TENM3: variants seen among roughly 807,000 people sequenced by gnomAD.
TENM3 encodes teneurin-3.
Under a neutral mutation model 255.1 loss-of-function variants are expected in TENM3, and 63 were observed. That is an observed-to-expected ratio of 0.25 (90% CI 0.20 to 0.30). The LOEUF is 0.30. TENM3 is among the 10% of genes least tolerant of loss of function. The pLI, the probability that TENM3 is intolerant of heterozygous loss-of-function variation, is 1.00. For missense variants in TENM3, 2,929 were observed against 3,461.1 expected (o/e 0.85, Z 3.86); for synonymous variants, 1,306 against 1,322.3 (o/e 0.99, Z 0.27).
chr4:182,639,670 GA>G (rs1296599067), intron 5 of TENM3, among the ~76,000 whole-genome samples: 2 of 152,124 alleles, frequency 1.3e-5, no homozygotes, highest in Non-Finnish European at 2.9e-5. Flanking sequence ...AAATAACAAT[GA>G]AAGACAAAAT....
chr4:181,775,455 A>G, the TENM3 span, among the ~76,000 whole-genome samples: 4 of 152,062 alleles, frequency 2.6e-5, no homozygotes, highest in African/African-American at 9.7e-5. Context: ...ACAGTGCAAA[A>G]TCTCGTCTGG....
At chr4:181,808,597 T>C in the TENM3 span, among the ~76,000 whole-genome samples, 1 of 152,206 alleles carries the variant, frequency 6.6e-6, no homozygotes, top group Middle Eastern at 3.2e-3. Context: ...TACAGAAATT[T>C]ATTTTCTTAA....
At chr4:181,950,922 GTC>G in the TENM3 span, among the ~76,000 whole-genome samples, 1 of 152,070 alleles carries the variant, frequency 6.6e-6, no homozygotes, top group East Asian at 2.0e-4. Context: ...TGTGCCTATG[GTC>G]CCAGCTACTC....
intron 12 of TENM3, chr4:182,707,715 C>T (rs917047768): frequency 6.6e-6 from 1 of 152,152 alleles, no homozygotes; most frequent in African/African-American, 2.4e-5. Flanking sequence ...GCAAGTAGAC[C>T]AAGGACCCGC....
chr4:182,021,121 T>A, the TENM3 span, among the ~76,000 whole-genome samples: 1 of 152,176 alleles, frequency 6.6e-6, no homozygotes. Flanking sequence ...CATGTTTATA[T>A]GTACCCAATG....
At chr4:181,968,080 G>A in the TENM3 span, among the ~76,000 whole-genome samples, 1 of 152,118 alleles carries the variant, frequency 6.6e-6, no homozygotes. Context: ...GGAGGTCCTG[G>A]TATTCCGAGC....
intron 11 of TENM3, among the ~76,000 whole-genome samples, chr4:182,685,690 C>T (rs541468951): frequency 6.6e-6 from 1 of 152,052 alleles, no homozygotes; most frequent in African/African-American, 2.4e-5. Context: ...AGGCCTCCAT[C>T]AGTAAAACAG....
chr4:182,799,465 C>A lies in TENM3; in HGVS notation c.7345-131C>A. 1 of 1,218,416 alleles carries A rather than the reference C, an allele frequency of 8.2e-7. No homozygotes were observed. The highest frequency in any genetic ancestry group is 1.6e-5 in the South Asian group (1 of 62,430). 75.5% of individuals were successfully genotyped at this position (1,218,416 alleles called of 1,614,324 possible). On this transcript the variant is annotated intron_variant, in intron 27 of 27. Transcript: ENST00000511685. This position sits in a 1 kb window ranked among gnomAD's most constrained non-coding sequence, Gnocchi z 4.2. Reference sequence around the variant, plus strand: ...TGCTCCCTCCACCCGGGCTGTCAGCCTTCTGGTCAGGGAAGGACCCCGGGG... The same window carrying A: ...TGCTCCCTCCACCCGGGCTGTCAGCATTCTGGTCAGGGAAGGACCCCGGGG...
chr4:182,720,440 T>C (rs1759626215), intron 13 of TENM3, among the ~76,000 whole-genome samples: 1 of 152,146 alleles, frequency 6.6e-6, no homozygotes, highest in South Asian at 2.1e-4. Flanking sequence ...GAGTGGTGCT[T>C]ACAGTCTCAG....
the TENM3 span, among the ~76,000 whole-genome samples, chr4:181,459,257 T>G: frequency 6.6e-6 from 1 of 151,830 alleles, no homozygotes; most frequent in Non-Finnish European, 1.5e-5. Flanking sequence ...TAATATTTAT[T>G]ATGGAGTTCT....
chr4:182,526,071 G>A (rs574029854), intron 3 of TENM3, among the ~76,000 whole-genome samples: 184 of 152,126 alleles, frequency 1.2e-3, no homozygotes, highest in African/African-American at 4.3e-3. Context: ...GCTCTGCCTC[G>A]CAGGTTCACG....
chr4:182,647,211 A>T (rs1189339928), intron 5 of TENM3, among the ~76,000 whole-genome samples: 3 of 152,204 alleles, frequency 2.0e-5, no homozygotes, highest in African/African-American at 7.2e-5. Context: ...AAGTTATAAT[A>T]GTTTTTGTTT....
the TENM3 span, among the ~76,000 whole-genome samples, chr4:181,717,939 C>T: frequency 6.6e-6 from 1 of 152,166 alleles, no homozygotes; most frequent in Non-Finnish European, 1.5e-5. Context: ...GTTTAAAAAT[C>T]TTAAACAGTG....
At chr4:181,799,914 G>A in the TENM3 span, among the ~76,000 whole-genome samples, 3 of 152,170 alleles carry the variant, frequency 2.0e-5, no homozygotes, top group African/African-American at 7.2e-5. Context: ...GCCCTCGGGA[G>A]CTAGGCAGAT....
the TENM3 span, among the ~76,000 whole-genome samples, chr4:181,888,218 C>T: frequency 2.6e-5 from 4 of 151,424 alleles, no homozygotes; most frequent in Admixed American, 2.6e-4. Flanking sequence ...TTAGTAGAGC[C>T]AGGGGTTTCC....
intron 3 of TENM3, among the ~76,000 whole-genome samples, chr4:182,492,242 G>A (rs76278950): frequency 0.035 from 5,358 of 152,126 alleles, 166 homozygotes; most frequent in East Asian, 0.097. Flanking sequence ...TGTGCAAGTG[G>A]TTCAGTAATA....
the TENM3 span, among the ~76,000 whole-genome samples, chr4:181,994,716 A>G: frequency 6.6e-6 from 1 of 151,996 alleles, no homozygotes; most frequent in African/African-American, 2.4e-5. Context: ...CAAAAACTCA[A>G]TTGCATGATT....
chr4:182,175,587 G>A lies in TENM3; in HGVS notation c.-76+30833G>A, dbSNP rs78696591. On this transcript the variant is annotated intron_variant, in intron 1 of 2. Transcript: ENST00000512480. ...CTTTTTCCCCTGCCAAGGAGATACC[G>A]ACAGCACAGGACAGGTTTTGACTGT... Among the ~76,000 whole-genome samples, 559 of 152,194 alleles carry A rather than the reference G, an allele frequency of 3.7e-3. 5 individuals are homozygous for A. Among genetic ancestry groups the A allele is most frequent in the African/African-American group, 0.012 (506 of 41,540 alleles).
At chr4:182,231,598 G>C (rs1464931981) in intron 1 of TENM3, among the ~76,000 whole-genome samples, 1 of 152,154 alleles carries the variant, frequency 6.6e-6, no homozygotes, top group African/African-American at 2.4e-5. Context: ...CTGGCCAAAG[G>C]GTGATGCCCA....
Sources: allele counts gnomAD v4.1 joint callset (sites outside exome capture counted in the v4.1 genomes callset), GRCh38; gene constraint gnomAD v4.1.1; non-coding constraint Gnocchi (gnomAD v3.1); transcripts MANE v1.5; gene names NCBI Gene and HGNC (gene_info 2026-07-23, HGNC 2026-07-21).